Variants in CAMSAP1 observed in about 807,000 individuals in gnomAD.
The protein encoded by CAMSAP1 is calmodulin regulated spectrin associated protein 1.
A neutral mutation model predicts 143.5 loss-of-function variants in CAMSAP1; 58 were observed. That is an observed-to-expected ratio of 0.40 (90% CI 0.33 to 0.50). The LOEUF (loss-of-function observed/expected upper bound fraction) is 0.50, where lower values mean the gene tolerates loss of function less well. Among genes scored for constraint, CAMSAP1 ranks in the 20% least tolerant of loss-of-function variants. The probability of loss-of-function intolerance (pLI) is 0.45; values close to 1 mark genes in which losing one functional copy is unlikely to be tolerated. For synonymous variants in CAMSAP1, 945 were observed against 859.3 expected (o/e 1.10, Z -1.74); for missense variants, 1,969 against 2,115.7 (o/e 0.93, Z 1.36).
At chr9:135,841,757 G>A (rs923502520) in intron 7 of CAMSAP1, among the ~76,000 whole-genome samples, 3 of 152,198 alleles carry the variant, frequency 2.0e-5, no homozygotes, top group Non-Finnish European at 2.9e-5. Context: ...GCAGCAGAGG[G>A]ACCTGGCTTT....
chr9:135,835,682 A>G (rs1199426855), intron 7 of CAMSAP1, among the ~76,000 whole-genome samples: 1 of 152,222 alleles, frequency 6.6e-6, no homozygotes, highest in African/African-American at 2.4e-5. Context: ...CTAGTGGCAT[A>G]AAAATTATTT....
At chr9:135,885,181 G>C (rs546060649) in intron 1 of CAMSAP1, among the ~76,000 whole-genome samples, 77 of 152,170 alleles carry the variant, frequency 5.1e-4, no homozygotes, top group African/African-American at 1.8e-3. Context: ...CCAAATATTG[G>C]AAGGGGCACT....
intron 7 of CAMSAP1, among the ~76,000 whole-genome samples, chr9:135,832,614 T>C (rs1227245134): frequency 6.6e-6 from 1 of 152,128 alleles, no homozygotes; most frequent in East Asian, 1.9e-4. Flanking sequence ...TCACTGCAGA[T>C]CCAAGGTCCT....
intron 14 of CAMSAP1, among the ~76,000 whole-genome samples, chr9:135,816,700 G>A (rs555025251): frequency 2.0e-5 from 3 of 152,290 alleles, no homozygotes; most frequent in South Asian, 2.1e-4. Flanking sequence ...TGAGACGGGT[G>A]AAGAGACAAG....
chr9:135,905,892 C>A (rs1249893876), intron 1 of CAMSAP1, among the ~76,000 whole-genome samples: 5 of 152,224 alleles, frequency 3.3e-5, no homozygotes, highest in African/African-American at 1.2e-4. Flanking sequence ...CTCAAAAACT[C>A]ATGTGAAGTC....
chr9:135,816,565 A>T (rs571597001), intron 14 of CAMSAP1, among the ~76,000 whole-genome samples: 19 of 152,328 alleles, frequency 1.2e-4, no homozygotes, highest in Admixed American at 9.1e-4. Context: ...TGCTCTCACA[A>T]GGGAGGCAGA....
intron 7 of CAMSAP1, chr9:135,836,968 C>G: frequency 1.0e-6 from 1 of 979,740 alleles, no homozygotes; most frequent in Non-Finnish European, 1.2e-6. Flanking sequence ...ACACTTTCTA[C>G]CCATTCTACA....
rs1364229363 is a variant in CAMSAP1, at chr9:135,907,226, G to A, written c.-67C>T. The A allele has an allele frequency of 3.1e-6, 3 of 977,412 alleles. No homozygotes were observed. The highest frequency in any genetic ancestry group is 3.5e-5 in the African/African-American group (2 of 56,506). 60.5% of individuals were successfully genotyped at this position (977,412 alleles called of 1,614,324 possible). On this transcript the variant is annotated 5_prime_UTR_variant, in exon 1 of 17. Coordinates refer to ENST00000389532, the MANE Select transcript of CAMSAP1 (RefSeq NM_015447.4). ...GGCGCCGCCGCCCCTCGCCGCGCCGGGCCCGGTGCGCCCCGAGCCACCACT... is the reference window on the plus strand; with the variant it reads ...GGCGCCGCCGCCCCTCGCCGCGCCGAGCCCGGTGCGCCCCGAGCCACCACT...
intron 7 of CAMSAP1, among the ~76,000 whole-genome samples, chr9:135,829,622 A>G (rs749015771): frequency 6.6e-6 from 1 of 152,182 alleles, no homozygotes; most frequent in Non-Finnish European, 1.5e-5. Context: ...TCGAGGCCGA[A>G]GCTGGTGGAT....
intron 1 of CAMSAP1, among the ~76,000 whole-genome samples, chr9:135,886,547 T>C (rs925922390): frequency 5.3e-5 from 8 of 152,342 alleles, no homozygotes; most frequent in Admixed American, 3.9e-4. Flanking sequence ...GTTTCATTCA[T>C]TAGCTCACCA....
intron 5 of CAMSAP1, among the ~76,000 whole-genome samples, chr9:135,852,911 G>A (rs1190078702): frequency 6.6e-6 from 1 of 152,218 alleles, no homozygotes; most frequent in African/African-American, 2.4e-5. Flanking sequence ...AAGCAAGCAA[G>A]TGGGGCAAAC....
rs1007727502 is a variant in CAMSAP1, at chr9:135,818,717, G to A, written c.3960-101C>T. 10 of 1,374,424 alleles carry A rather than the reference G, an allele frequency of 7.3e-6. No individual in the cohort carries two copies. In the Admixed American group the frequency reaches 9.0e-5, roughly 12 times the overall value. The allele number at this position is 1,374,424 out of a possible 1,614,324, so 85.1% of individuals were successfully genotyped here. ...CAGGCGCGTTTCTCGGGTTCTCCCC[G>A]GCCGCTGGGACCAAGAGTGGCCAGC... On this transcript the variant is annotated intron_variant, in intron 12 of 16. Coordinates refer to ENST00000389532, the MANE Select transcript of CAMSAP1 (RefSeq NM_015447.4). This position sits in a 1 kb window ranked among gnomAD's most constrained non-coding sequence, Gnocchi z 7.7.
chr9:135,822,289 C>T lies in CAMSAP1; in HGVS notation c.2372G>A (p.Arg791His), dbSNP rs762747347. ...GGCTGTGCTCAGGCAGGGGCTCGAG[C>T]GGCCGCTGGCGTCATCTTTGTCTTC... is the stretch of plus-strand genomic sequence containing the variant. ...EHEDKDDASG[R>H]SSPCLSTASQ... The change falls in exon 11 of 17, where the codon CGC becomes CAC. Residue 791 changes from arginine (R) to histidine (H), a missense_variant. This residue lies in a region of CAMSAP1 where 1,390 missense variants were observed against 1,420.8 expected (regional missense o/e 0.98). Transcript: ENST00000389532. The surrounding 1 kb of genome is among the most constrained non-coding windows in gnomAD (Gnocchi z 6.1). The T allele has an allele frequency of 1.5e-5, 25 of 1,613,962 alleles. No individual in the cohort carries two copies. The highest frequency in any genetic ancestry group is 1.9e-5 in the Non-Finnish European group (23 of 1,179,890).
At chr9:135,879,454 A>C (rs1837863387) in intron 3 of CAMSAP1, among the ~76,000 whole-genome samples, 1 of 152,162 alleles carries the variant, frequency 6.6e-6, no homozygotes, top group South Asian at 2.1e-4. Flanking sequence ...CCAGAGAAGG[A>C]GAGTAAGGGA....
intron 14 of CAMSAP1, among the ~76,000 whole-genome samples, chr9:135,816,502 G>A (rs1564414970): frequency 2.0e-5 from 3 of 152,238 alleles, no homozygotes; most frequent in Non-Finnish European, 2.9e-5. Context: ...AGTCTCCACT[G>A]AGCACAACAG....
chr9:135,817,398 T>C (rs527392260), intron 14 of CAMSAP1, among the ~76,000 whole-genome samples: 1 of 152,278 alleles, frequency 6.6e-6, no homozygotes. Context: ...TATTTTTGCT[T>C]TTGGGGGTTT....
Position 135,856,280 on chromosome 9 carries a change from G to A in CAMSAP1, c.809-5819C>T, listed in dbSNP as rs553386335. On this transcript the variant is annotated intron_variant, in intron 5 of 16. Transcript: ENST00000389532. ...AGATGAAAAGCACGTGTCACATGAC[G>A]GCGGCAAGAGAGAGAATGAGAGCCA... 7.2e-5 allele frequency among the ~76,000 whole-genome samples: 11 copies of A among 152,212 alleles called. No homozygotes were observed. The South Asian group carries it at 1.7e-3, about 23-fold the overall frequency.
intron 7 of CAMSAP1, among the ~76,000 whole-genome samples, chr9:135,840,450 GT>G (rs998780086): frequency 6.6e-6 from 1 of 152,214 alleles, no homozygotes; most frequent in African/African-American, 2.4e-5. Flanking sequence ...TCACGACGGG[GT>G]CCGATGGGAA....
chr9:135,881,055 T>C (rs1434853462), intron 3 of CAMSAP1, among the ~76,000 whole-genome samples: 1 of 152,026 alleles, frequency 6.6e-6, no homozygotes, highest in African/African-American at 2.4e-5. Context: ...AAAGAAATTA[T>C]TCACTGGCCA....
Sources: allele counts gnomAD v4.1 joint callset (sites outside exome capture counted in the v4.1 genomes callset), GRCh38; gene constraint gnomAD v4.1.1; regional missense constraint gnomAD v4.1.1; non-coding constraint Gnocchi (gnomAD v3.1); transcripts MANE v1.5; gene names NCBI Gene and HGNC (gene_info 2026-07-23, HGNC 2026-07-21).